CSRNP3: variants seen among roughly 807,000 people sequenced by gnomAD.
The protein encoded by CSRNP3 is cysteine and serine rich nuclear protein 3.
CSRNP3 carries 12 observed loss-of-function variants against 48.0 expected under a neutral mutation model. That is an observed-to-expected ratio of 0.25 (90% CI 0.16 to 0.41). The LOEUF (loss-of-function observed/expected upper bound fraction) is 0.41, where lower values mean the gene tolerates loss of function less well. Among genes scored for constraint, CSRNP3 ranks in the 10% least tolerant of loss-of-function variants. CSRNP3 has a pLI of 1.00. For synonymous variants in CSRNP3, 263 were observed against 269.7 expected (o/e 0.98, Z 0.24); for missense variants, 580 against 724.4 (o/e 0.80, Z 2.29).
At chr2:165,599,974 G>T in intron 4 of CSRNP3, among the ~76,000 whole-genome samples, 1 of 148,902 alleles carries the variant, frequency 6.7e-6, no homozygotes, top group African/African-American at 2.5e-5. Flanking sequence ...GGGTACATGT[G>T]CACAATGTGC....
intron 1 of CSRNP3, among the ~76,000 whole-genome samples, chr2:165,490,789 A>C (rs1360946050): frequency 1.4e-5 from 2 of 139,362 alleles, no homozygotes; most frequent in East Asian, 4.5e-4. Flanking sequence ...ACTTTATACA[A>C]AAATCAATTC....
chr2:165,554,145 T>G (rs1685134308), intron 3 of CSRNP3, among the ~76,000 whole-genome samples: 1 of 152,150 alleles, frequency 6.6e-6, no homozygotes, highest in Non-Finnish European at 1.5e-5. Context: ...CAATCCCCGC[T>G]ACTCCTCATT....
chr2:165,661,567 C>T (rs1054265038), intron 5 of CSRNP3, among the ~76,000 whole-genome samples: 4 of 152,134 alleles, frequency 2.6e-5, no homozygotes, highest in African/African-American at 9.7e-5. Context: ...ATGTATATTG[C>T]TTTTGCACCA....
intron 3 of CSRNP3, among the ~76,000 whole-genome samples, chr2:165,589,490 G>A (rs980233872): frequency 2.0e-5 from 3 of 152,126 alleles, no homozygotes; most frequent in African/African-American, 7.2e-5. Flanking sequence ...ATGGGTGTAG[G>A]TGTATGTTAA....
intron 3 of CSRNP3, among the ~76,000 whole-genome samples, chr2:165,536,718 T>G (rs1684886865): frequency 6.6e-6 from 1 of 151,918 alleles, no homozygotes; most frequent in Non-Finnish European, 1.5e-5. Context: ...GAGAGATACT[T>G]CTGGCAGAAT....
intron 5 of CSRNP3, among the ~76,000 whole-genome samples, chr2:165,666,830 G>A (rs1687223561): frequency 1.5e-5 from 2 of 137,786 alleles, no homozygotes; most frequent in African/African-American, 2.7e-5. Context: ...GAGAAAGGAA[G>A]GACGGAAGGA....
chr2:165,630,919 G>T (rs1389217594), intron 4 of CSRNP3, among the ~76,000 whole-genome samples: 1 of 152,158 alleles, frequency 6.6e-6, no homozygotes, highest in African/African-American at 2.4e-5. Flanking sequence ...ATTTGTGAAT[G>T]AATACCCCAG....
At chr2:165,573,520 CTT>C (rs1685403219) in intron 3 of CSRNP3, among the ~76,000 whole-genome samples, 1 of 152,146 alleles carries the variant, frequency 6.6e-6, no homozygotes, top group Non-Finnish European at 1.5e-5. Context: ...CACTGAATAT[CTT>C]TGCCAAAGAC....
intron 1 of CSRNP3, among the ~76,000 whole-genome samples, chr2:165,473,289 C>T (rs1683917184): frequency 6.6e-6 from 1 of 151,930 alleles, no homozygotes; most frequent in Admixed American, 6.6e-5. Flanking sequence ...CTAAAGAAAA[C>T]AAAATACTTA....
chr2:165,509,442 A>T (rs1345675649), intron 2 of CSRNP3, among the ~76,000 whole-genome samples: 1 of 152,082 alleles, frequency 6.6e-6, no homozygotes, highest in Non-Finnish European at 1.5e-5. Context: ...GAAGTGAAAG[A>T]TGTGGGGACT....
At chr2:165,556,029 T>C (rs1378885826) in intron 3 of CSRNP3, among the ~76,000 whole-genome samples, 1 of 152,100 alleles carries the variant, frequency 6.6e-6, no homozygotes, top group African/African-American at 2.4e-5. Context: ...ATTGCCTACC[T>C]GGTAACACTG....
chr2:165,529,684 T>G (rs1684787055), intron 3 of CSRNP3, among the ~76,000 whole-genome samples: 1 of 152,166 alleles, frequency 6.6e-6, no homozygotes, highest in African/African-American at 2.4e-5. Context: ...GGATGTATGA[T>G]TTAAAATTTA....
chr2:165,558,029 G>T lies in CSRNP3; in HGVS notation c.-23-37014G>T, dbSNP rs929089886. 9.2e-5 allele frequency among the ~76,000 whole-genome samples: 14 copies of T among 152,188 alleles called. No homozygotes were observed. The East Asian group carries it at 2.7e-3, about 29-fold the overall frequency. ...CTGAATAGTTCCATAAGTTACTAAG[G>T]GAATTTTGAGAATAAACACTATACA... On this transcript the variant is annotated intron_variant, in intron 3 of 6. Coordinates refer to ENST00000651982, the MANE Select transcript of CSRNP3 (RefSeq NM_001172173.2).
chr2:165,663,949 G>A (rs1687137075), intron 5 of CSRNP3, among the ~76,000 whole-genome samples: 1 of 152,022 alleles, frequency 6.6e-6, no homozygotes, highest in Non-Finnish European at 1.5e-5. Flanking sequence ...TAAATCAGAG[G>A]GTAGGAGAAA....
intron 5 of CSRNP3, among the ~76,000 whole-genome samples, chr2:165,669,225 A>G (rs1687287739): frequency 6.6e-6 from 1 of 152,218 alleles, no homozygotes; most frequent in Non-Finnish European, 1.5e-5. Flanking sequence ...TTCAGTAATG[A>G]CCAGAAAATT....
At chr2:165,583,503 T>A (rs1685579822) in intron 3 of CSRNP3, among the ~76,000 whole-genome samples, 1 of 152,208 alleles carries the variant, frequency 6.6e-6, no homozygotes, top group Non-Finnish European at 1.5e-5. Flanking sequence ...TGTATTGACT[T>A]CTAATCCTGC....
chr2:165,516,696 C>T (rs747734463), intron 2 of CSRNP3, among the ~76,000 whole-genome samples: 12 of 152,082 alleles, frequency 7.9e-5, no homozygotes, highest in Non-Finnish European at 1.3e-4. Flanking sequence ...TTACTCAGAA[C>T]CAAACTGACT....
chr2:165,608,410 G>C (rs754106407), intron 4 of CSRNP3, among the ~76,000 whole-genome samples: 2 of 151,948 alleles, frequency 1.3e-5, no homozygotes, highest in Non-Finnish European at 2.9e-5. Context: ...ACTTTGGAAC[G>C]GTTCATGAAC....
chr2:165,669,716 T>TA (rs1260603088), intron 5 of CSRNP3, among the ~76,000 whole-genome samples: 1 of 152,166 alleles, frequency 6.6e-6, no homozygotes, highest in African/African-American at 2.4e-5. Flanking sequence ...GTTTTATTTG[T>TA]AGAGAGTCTG....
Sources: gnomAD v4.1 joint callset for allele counts (sites outside exome capture counted in the v4.1 genomes callset) on GRCh38, gnomAD v4.1.1 for gene constraint, MANE v1.5 for transcripts, NCBI Gene and HGNC (gene_info 2026-07-23, HGNC 2026-07-21) for gene names.